RAB3C: variants seen among roughly 807,000 people sequenced by gnomAD.
RAB3C encodes ras-related protein Rab-3C.
Under a neutral mutation model 26.4 loss-of-function variants are expected in RAB3C, and 17 were observed. That is an observed-to-expected ratio of 0.64 (90% CI 0.44 to 0.97). The LOEUF is 0.97. Ranked by LOEUF, RAB3C falls within the 50% of genes least tolerant of loss-of-function variation. The pLI is 0.00. For missense variants in RAB3C, 242 were observed against 281.9 expected (o/e 0.86, Z 1.01); for synonymous variants, 91 against 95.9 (o/e 0.95, Z 0.30).
At chr5:58,825,957 C>T (rs1384949342) in intron 4 of RAB3C, among the ~76,000 whole-genome samples, 1 of 152,090 alleles carries the variant, frequency 6.6e-6, no homozygotes, top group South Asian at 2.1e-4. Context: ...AAGTTGCTCC[C>T]AATCGAGTGG....
chr5:58,740,998 G>C (rs1741262132), intron 3 of RAB3C, among the ~76,000 whole-genome samples: 1 of 152,016 alleles, frequency 6.6e-6, no homozygotes, highest in Non-Finnish European at 1.5e-5. Context: ...ACAAATTTGG[G>C]GTTTTCTGTG....
At chr5:58,614,422 G>A (rs147911007) in intron 1 of RAB3C, among the ~76,000 whole-genome samples, 2 of 151,996 alleles carry the variant, frequency 1.3e-5, no homozygotes, top group East Asian at 3.9e-4. Context: ...CATTCCAAAT[G>A]CATATCTTTT....
At chr5:58,755,497 T>C (rs541959677) in intron 3 of RAB3C, among the ~76,000 whole-genome samples, 3 of 152,258 alleles carry the variant, frequency 2.0e-5, no homozygotes, top group Non-Finnish European at 2.9e-5. Context: ...TGTACCTCCA[T>C]AGGCTACTGC....
intron 2 of RAB3C, among the ~76,000 whole-genome samples, chr5:58,708,876 T>G (rs1749004213): frequency 1.3e-5 from 2 of 152,210 alleles, no homozygotes; most frequent in African/African-American, 4.8e-5. Context: ...AGAATTAAAT[T>G]TTGCTGTATA....
chr5:58,806,899 C>T (rs1742952893), intron 3 of RAB3C, among the ~76,000 whole-genome samples: 1 of 152,176 alleles, frequency 6.6e-6, no homozygotes, highest in Non-Finnish European at 1.5e-5. Context: ...CAATGGACCT[C>T]ACTGAGCAGA....
intron 3 of RAB3C, among the ~76,000 whole-genome samples, chr5:58,790,199 A>C (rs1018970230): frequency 2.0e-5 from 3 of 152,178 alleles, no homozygotes; most frequent in Non-Finnish European, 4.4e-5. Context: ...ATCTTCCTAT[A>C]TGATATTTTT....
At chr5:58,588,054 G>A (rs1399143497) in intron 1 of RAB3C, among the ~76,000 whole-genome samples, 2 of 152,050 alleles carry the variant, frequency 1.3e-5, no homozygotes, top group Non-Finnish European at 2.9e-5. Flanking sequence ...TTTTATTGCT[G>A]AATATTATAC....
intron 3 of RAB3C, among the ~76,000 whole-genome samples, chr5:58,763,098 C>T (rs1050094100): frequency 6.6e-6 from 1 of 152,188 alleles, no homozygotes. Flanking sequence ...TAAGGCAGAA[C>T]TTACAGAGCT....
intron 2 of RAB3C, among the ~76,000 whole-genome samples, chr5:58,712,482 A>G (rs1401423142): frequency 6.6e-6 from 1 of 152,124 alleles, no homozygotes; most frequent in Non-Finnish European, 1.5e-5. Flanking sequence ...AACTAGTTTT[A>G]TTCTTGGTTT....
intron 2 of RAB3C, among the ~76,000 whole-genome samples, chr5:58,715,175 G>A (rs977069855): frequency 1.3e-5 from 2 of 150,362 alleles, no homozygotes; most frequent in Non-Finnish European, 3.0e-5. Context: ...TTATACTTTT[G>A]TCTTCTTTTC....
Position 58,654,254 on chromosome 5 carries a change from C to T in RAB3C, c.252+36384C>T, listed in dbSNP as rs184089262. Among the ~76,000 whole-genome samples the T allele has an allele frequency of 2.8e-3, 421 of 152,104 alleles. 2 individuals carry two copies. The highest frequency in any genetic ancestry group is 4.4e-3 in the Non-Finnish European group (300 of 67,982). Reference sequence around the variant, plus strand: ...TATTGCTTGGAGTGTGCAATGTACCCAAGGGAAATCATTTTTAAAGGCAGA... The same window carrying T: ...TATTGCTTGGAGTGTGCAATGTACCTAAGGGAAATCATTTTTAAAGGCAGA... On this transcript the variant is annotated intron_variant, in intron 2 of 4. Transcript: ENST00000282878.
intron 2 of RAB3C, among the ~76,000 whole-genome samples, chr5:58,621,530 T>C (rs575793755): frequency 2.2e-4 from 33 of 152,310 alleles, no homozygotes; most frequent in African/African-American, 7.9e-4. Context: ...CCTCCAGCTA[T>C]AGAAAAAAAT....
At chr5:58,744,249 T>C (rs1421384838) in intron 3 of RAB3C, among the ~76,000 whole-genome samples, 2 of 152,240 alleles carry the variant, frequency 1.3e-5, no homozygotes, top group Non-Finnish European at 2.9e-5. Flanking sequence ...AATCAAGTAG[T>C]GTCCCCTGGA....
intron 2 of RAB3C, among the ~76,000 whole-genome samples, chr5:58,686,076 G>T (rs1162405285): frequency 6.6e-6 from 1 of 152,150 alleles, no homozygotes; most frequent in Non-Finnish European, 1.5e-5. Context: ...GAATTAGAAA[G>T]ACCAATTAGG....
intron 2 of RAB3C, among the ~76,000 whole-genome samples, chr5:58,721,437 C>A (rs1223176661): frequency 2.6e-5 from 4 of 151,636 alleles, no homozygotes; most frequent in African/African-American, 9.7e-5. Flanking sequence ...GGGAGAGGAA[C>A]AACACAAAGC....
At position 58,756,058 on chromosome 5, in the gene RAB3C, G is replaced by A. The variant is rs552373619; in HGVS notation, c.371+29938G>A. On this transcript the variant is annotated intron_variant, in intron 3 of 4. Coordinates refer to ENST00000282878, the MANE Select transcript of RAB3C (RefSeq NM_138453.4). ...TATAGATAAGTTGCAAATATAAAAA[G>A]AGTGTAAAGAATACCCATACACCCT... 7.9e-5 allele frequency among the ~76,000 whole-genome samples: 12 copies of A among 151,560 alleles called. No individual in the cohort carries two copies. In the South Asian group the frequency reaches 2.5e-3, roughly 31 times the overall value.
intron 1 of RAB3C, among the ~76,000 whole-genome samples, chr5:58,591,916 G>C (rs760518084): frequency 1.9e-5 from 2 of 108,008 alleles, no homozygotes; most frequent in Non-Finnish European, 3.7e-5. Context: ...TTTTTTTTTC[G>C]AGATGGAGTT....
chr5:58,690,238 A>G (rs987597727), intron 2 of RAB3C, among the ~76,000 whole-genome samples: 18 of 152,162 alleles, frequency 1.2e-4, no homozygotes, highest in Admixed American at 6.6e-5. Flanking sequence ...TAATTTTAAA[A>G]TATTATTTTT....
intron 3 of RAB3C, among the ~76,000 whole-genome samples, chr5:58,808,242 A>T (rs537886793): frequency 6.6e-6 from 1 of 151,708 alleles, no homozygotes; most frequent in South Asian, 2.1e-4. Context: ...AAAAAAAAAA[A>T]GAAATAACTT....
Sources: gnomAD v4.1 joint callset for allele counts (sites outside exome capture counted in the v4.1 genomes callset) on GRCh38, gnomAD v4.1.1 for gene constraint, MANE v1.5 for transcripts, NCBI Gene and HGNC (gene_info 2026-07-23, HGNC 2026-07-21) for gene names.